Variants in IMMP2L observed in about 807,000 individuals in gnomAD.
IMMP2L encodes the protein mitochondrial inner membrane protease subunit 2.
Under a neutral mutation model 19.3 loss-of-function variants are expected in IMMP2L, and 18 were observed. The observed-to-expected ratio is 0.93, with a 90% confidence interval of 0.64 to 1.38. The LOEUF (loss-of-function observed/expected upper bound fraction) is 1.38. IMMP2L is among the 40% of genes most tolerant of loss of function. The pLI, the probability that IMMP2L is intolerant of heterozygous loss-of-function variation, is 0.00. For missense variants in IMMP2L, 233 were observed against 218.2 expected (o/e 1.07, Z -0.43); for synonymous variants, 76 against 73.0 (o/e 1.04, Z -0.21).
chr7:111,141,733 C>T (rs1039678287), intron 3 of IMMP2L, among the ~76,000 whole-genome samples: 1 of 151,990 alleles, frequency 6.6e-6, no homozygotes, highest in Non-Finnish European at 1.5e-5. Flanking sequence ...GATGTTCATT[C>T]GTTTGTTTGT....
At chr7:111,198,495 C>CG (rs1425841179) in intron 3 of IMMP2L, among the ~76,000 whole-genome samples, 1 of 152,130 alleles carries the variant, frequency 6.6e-6, no homozygotes, top group Non-Finnish European at 1.5e-5. Flanking sequence ...TGTACCAGGT[C>CG]ACTCTGGTTA....
At chr7:111,485,773 G>A (rs1325773061) in intron 3 of IMMP2L, among the ~76,000 whole-genome samples, 1 of 151,690 alleles carries the variant, frequency 6.6e-6, no homozygotes, top group Non-Finnish European at 1.5e-5. Context: ...CCATGATATG[G>A]TAGGATACTT....
intron 3 of IMMP2L, among the ~76,000 whole-genome samples, chr7:111,441,909 C>G (rs556912925): frequency 1.7e-4 from 26 of 151,648 alleles, no homozygotes; most frequent in African/African-American, 5.8e-4. Context: ...GAGGCCAAGG[C>G]GGGCAGATCA....
intron 4 of IMMP2L, among the ~76,000 whole-genome samples, chr7:110,922,785 A>C (rs1019585590): frequency 1.3e-5 from 2 of 152,164 alleles, no homozygotes; most frequent in Admixed American, 1.3e-4. Context: ...ATGTTGCTTC[A>C]AATGTATATC....
intron 3 of IMMP2L, among the ~76,000 whole-genome samples, chr7:111,423,986 T>C (rs114681737): frequency 2.6e-5 from 4 of 151,954 alleles, no homozygotes; most frequent in Non-Finnish European, 5.9e-5. Context: ...GTAAAGCAAG[T>C]GTAGTTGTTT....
intron 3 of IMMP2L, among the ~76,000 whole-genome samples, chr7:111,195,886 T>C (rs536500168): frequency 1.0e-5 from 1 of 98,970 alleles, no homozygotes. Context: ...CATTTCATTT[T>C]ATTTTATTTT....
intron 3 of IMMP2L, among the ~76,000 whole-genome samples, chr7:111,143,615 G>C (rs1438842953): frequency 6.6e-6 from 1 of 152,028 alleles, no homozygotes; most frequent in Non-Finnish European, 1.5e-5. Context: ...GATTTCAAAT[G>C]AAAGAATTCT....
intron 5 of IMMP2L, among the ~76,000 whole-genome samples, chr7:110,730,052 TAAACATGA>T (rs1796154772): frequency 6.6e-6 from 1 of 152,120 alleles, no homozygotes; most frequent in African/African-American, 2.4e-5. Flanking sequence ...TCAAAAAGAT[TAAACATGA>T]AAACATGAAA....
At chr7:111,124,208 G>T (rs1224509654) in intron 3 of IMMP2L, 1 of 1,613,740 alleles carries the variant, frequency 6.2e-7, no homozygotes, top group Non-Finnish European at 8.5e-7. Context: ...CATTCTGAGG[G>T]AACACTAGAT....
intron 5 of IMMP2L, among the ~76,000 whole-genome samples, chr7:110,824,624 T>C (rs569244874): frequency 6.6e-6 from 1 of 152,182 alleles, no homozygotes; most frequent in East Asian, 1.9e-4. Flanking sequence ...ATCCCCGACC[T>C]CTGAAAGTGC....
intron 3 of IMMP2L, among the ~76,000 whole-genome samples, chr7:111,221,619 C>T (rs1459956996): frequency 2.0e-5 from 3 of 151,802 alleles, no homozygotes; most frequent in Non-Finnish European, 4.4e-5. Flanking sequence ...AATTATAAAA[C>T]CTTAGCTCTA....
At chr7:111,469,013 C>T (rs1056498207) in intron 3 of IMMP2L, among the ~76,000 whole-genome samples, 2 of 152,028 alleles carry the variant, frequency 1.3e-5, no homozygotes, top group Non-Finnish European at 2.9e-5. Context: ...AGGTATGATG[C>T]TTCAAAAAGA....
intron 5 of IMMP2L, among the ~76,000 whole-genome samples, chr7:110,706,635 G>A (rs940548183): frequency 6.6e-6 from 1 of 152,020 alleles, no homozygotes; most frequent in Non-Finnish European, 1.5e-5. Flanking sequence ...CATGCTTGTT[G>A]GCTACTTGTA....
At chr7:111,290,736 CT>C (rs968926847) in intron 3 of IMMP2L, among the ~76,000 whole-genome samples, 1 of 151,508 alleles carries the variant, frequency 6.6e-6, no homozygotes, top group Admixed American at 6.6e-5. Context: ...TATAAATCCC[CT>C]TTTTGTGCTT....
intron 5 of IMMP2L, among the ~76,000 whole-genome samples, chr7:110,862,557 GCTGGCCTCAAACTC>G (rs1219819399): frequency 5.3e-5 from 8 of 151,034 alleles, no homozygotes; most frequent in African/African-American, 1.9e-4. Flanking sequence ...TGTTGCGCAG[GCTGGCCTCAAACTC>G]CTGGCCTCAA....
At chr7:111,074,395 T>C (rs536814284) in intron 3 of IMMP2L, among the ~76,000 whole-genome samples, 2 of 152,354 alleles carry the variant, frequency 1.3e-5, no homozygotes, top group African/African-American at 4.8e-5. Flanking sequence ...TAAAGCAAGA[T>C]TTATTTCTAG....
At chr7:110,817,992 C>T (rs1251876072) in intron 5 of IMMP2L, among the ~76,000 whole-genome samples, 1 of 152,000 alleles carries the variant, frequency 6.6e-6, no homozygotes, top group Non-Finnish European at 1.5e-5. Context: ...ACATGTTAGA[C>T]CTAAAACCAT....
intron 3 of IMMP2L, among the ~76,000 whole-genome samples, chr7:111,046,223 T>C (rs1162011142): frequency 6.6e-6 from 1 of 151,670 alleles, no homozygotes; most frequent in Non-Finnish European, 1.5e-5. Flanking sequence ...AACCAATAGA[T>C]TAAATAAACT....
chr7:111,268,569 C>CTTTTTTT lies in IMMP2L; in HGVS notation c.239+218662_239+218668dup, dbSNP rs762576425. ...GATATGAGTTAAACTTCACATTTCTCTTTTTTTTTTTTTTTTTTTTTTTTT... is the reference window on the plus strand; with the variant it reads ...GATATGAGTTAAACTTCACATTTCTCTTTTTTTTTTTTTTTTTTTTTTTTTTTTTTTT... On this transcript the variant is annotated intron_variant, in intron 3 of 5. Transcript: ENST00000405709. Among the ~76,000 whole-genome samples, 197 of 44,588 alleles carry CTTTTTTT rather than the reference C, an allele frequency of 4.4e-3. 35 individuals are homozygous for CTTTTTTT. The highest frequency in any genetic ancestry group is 5.4e-3 in the Non-Finnish European group (145 of 26,634). The allele number at this position is 44,588 out of a possible 152,430, so 29.3% of individuals were successfully genotyped here.
Sources: gnomAD v4.1 joint callset for allele counts (sites outside exome capture counted in the v4.1 genomes callset) on GRCh38, gnomAD v4.1.1 for gene constraint, MANE v1.5 for transcripts, NCBI Gene and HGNC (gene_info 2026-07-23, HGNC 2026-07-21) for gene names.